KLRD1: variants seen among roughly 807,000 people sequenced by gnomAD.
KLRD1 encodes natural killer cells antigen CD94.
Under a neutral mutation model 22.6 loss-of-function variants are expected in KLRD1, and 21 were observed. The observed-to-expected ratio is 0.93, with a 90% CI of 0.66 to 1.34. KLRD1 has a LOEUF of 1.34. Ranked by LOEUF, KLRD1 falls within the 40% of genes most tolerant of loss-of-function variation. The pLI is 0.00. For missense variants in KLRD1, 183 were observed against 208.6 expected (o/e 0.88, Z 0.76); for synonymous variants, 59 against 71.1 (o/e 0.83, Z 0.85).
intron 1 of KLRD1, among the ~76,000 whole-genome samples, chr12:10,257,139 C>CTTTT (rs55950006): frequency 9.2e-5 from 12 of 130,276 alleles, no homozygotes; most frequent in African/African-American, 2.8e-4. Flanking sequence ...CTTTTCTTTT[C>CTTTT]TTTTTTTTTT....
chr12:10,250,307 A>G (rs7960005), intron 1 of KLRD1, among the ~76,000 whole-genome samples: 144,348 of 150,194 alleles, frequency 0.96, 69,632 homozygotes, highest in East Asian at 1. Flanking sequence ...GGCCCCAAAC[A>G]TTTTAGCATA....
upstream of KLRD1, among the ~76,000 whole-genome samples, chr12:10,304,829 G>A (rs76813781): frequency 6.3e-3 from 962 of 152,282 alleles, 12 homozygotes; most frequent in African/African-American, 0.022. Flanking sequence ...AACCACTATA[G>A]CTAGTAGGTT....
intron 4 of KLRD1, among the ~76,000 whole-genome samples, chr12:10,311,968 T>C (rs941449602): frequency 2.6e-4 from 40 of 152,158 alleles, no homozygotes; most frequent in African/African-American, 9.4e-4. Context: ...ATATCTTTTA[T>C]AATTTTATAG....
intron 1 of KLRD1, among the ~76,000 whole-genome samples, chr12:10,249,568 T>C (rs1055045740): frequency 1.3e-5 from 2 of 152,190 alleles, no homozygotes; most frequent in African/African-American, 4.8e-5. Context: ...CCTTATCATA[T>C]ATCAAAATGC....
At chr12:10,307,265 C>T (rs539395201), upstream of KLRD1, among the ~76,000 whole-genome samples, 1 of 152,234 alleles carries the variant, frequency 6.6e-6, no homozygotes, top group East Asian at 1.9e-4. Flanking sequence ...GCTTAAAGAA[C>T]TTTAAGAAAA....
At chr12:10,288,803 C>T (rs1949736698) in intron 1 of KLRD1, among the ~76,000 whole-genome samples, 2 of 152,152 alleles carry the variant, frequency 1.3e-5, no homozygotes, top group South Asian at 4.2e-4. Flanking sequence ...CTTTATAAGA[C>T]TCTTTTTTTA....
At chr12:10,265,870 T>C (rs1949494666) in intron 1 of KLRD1, among the ~76,000 whole-genome samples, 1 of 152,262 alleles carries the variant, frequency 6.6e-6, no homozygotes, top group Non-Finnish European at 1.5e-5. Flanking sequence ...TAATTTCCTT[T>C]TTCAATTATT....
intron 1 of KLRD1, among the ~76,000 whole-genome samples, chr12:10,257,416 C>T (rs1370419443): frequency 2.1e-5 from 3 of 142,212 alleles, no homozygotes; most frequent in East Asian, 4.1e-4. Flanking sequence ...TTTCTCTGTT[C>T]TTTTAAAAAA....
At chr12:10,245,235 G>A (rs1241574945) in intron 1 of KLRD1, among the ~76,000 whole-genome samples, 1 of 152,116 alleles carries the variant, frequency 6.6e-6, no homozygotes, top group Non-Finnish European at 1.5e-5. Flanking sequence ...ACACCTGCTT[G>A]TAATCCCAGC....
At chr12:10,279,022 A>G (rs1357407866) in intron 1 of KLRD1, among the ~76,000 whole-genome samples, 1 of 139,052 alleles carries the variant, frequency 7.2e-6, no homozygotes, top group African/African-American at 2.7e-5. Flanking sequence ...TTTAGGGGGT[A>G]CCTGTGGAGA....
intron 1 of KLRD1, among the ~76,000 whole-genome samples, chr12:10,278,817 T>C (rs1186799207): frequency 6.6e-6 from 1 of 152,162 alleles, no homozygotes; most frequent in African/African-American, 2.4e-5. Flanking sequence ...TTTTTTCCTG[T>C]ATGAACAACT....
chr12:10,309,807 G>T, intron 3 of KLRD1, 119 bp downstream of exon 3: 2 of 689,842 alleles, frequency 2.9e-6, no homozygotes, highest in East Asian at 5.4e-5. Context: ...TTGCCTACCA[G>T]TGTAGGATAG....
chr12:10,288,879 C>G (rs553455270), intron 1 of KLRD1, among the ~76,000 whole-genome samples: 1 of 152,244 alleles, frequency 6.6e-6, no homozygotes, highest in East Asian at 1.9e-4. Context: ...AAATGAGTGT[C>G]TAGTCACAAA....
intron 1 of KLRD1, among the ~76,000 whole-genome samples, chr12:10,279,679 A>T (rs10845102): frequency 0.035 from 5,348 of 152,326 alleles, 326 homozygotes; most frequent in African/African-American, 0.12. Context: ...TTACATAATC[A>T]TATGTATAAC....
chr12:10,276,705 A>G (rs201807759), intron 1 of KLRD1, among the ~76,000 whole-genome samples: 5,142 of 151,990 alleles, frequency 0.034, 174 homozygotes, highest in East Asian at 0.15. Context: ...CAAAAAAAAA[A>G]AAAAAGTAAA....
At chr12:10,293,983 T>C (rs959086509) in intron 1 of KLRD1, among the ~76,000 whole-genome samples, 3 of 152,256 alleles carry the variant, frequency 2.0e-5, no homozygotes, top group Non-Finnish European at 4.4e-5. Context: ...CTATCCTCAC[T>C]TTCCTTTTCT....
chr12:10,251,055 G>A (rs1300972642), intron 1 of KLRD1, among the ~76,000 whole-genome samples: 1 of 152,132 alleles, frequency 6.6e-6, no homozygotes, highest in Non-Finnish European at 1.5e-5. Flanking sequence ...TGCCTCACTA[G>A]CATTAACTAC....
intron 1 of KLRD1, among the ~76,000 whole-genome samples, chr12:10,249,253 T>G (rs961888202): frequency 3.3e-5 from 5 of 152,138 alleles, no homozygotes; most frequent in African/African-American, 1.2e-4. Flanking sequence ...CAGTCCTTGA[T>G]TCTGCCACAT....
chr12:10,272,648 G>A (rs919038955), intron 1 of KLRD1, among the ~76,000 whole-genome samples: 1 of 152,134 alleles, frequency 6.6e-6, no homozygotes, highest in Non-Finnish European at 1.5e-5. Context: ...GGGCCAATGA[G>A]CACAGGGTCA....
Sources: gnomAD v4.1 joint callset for allele counts (sites outside exome capture counted in the v4.1 genomes callset) on GRCh38, gnomAD v4.1.1 for gene constraint, MANE v1.5 for transcripts, NCBI Gene and HGNC (gene_info 2026-07-23, HGNC 2026-07-21) for gene names.